Variants in MEGF6 observed in about 807,000 individuals in gnomAD.
MEGF6 encodes multiple epidermal growth factor-like domains protein 6.
A neutral mutation model predicts 207.1 loss-of-function variants in MEGF6; 184 were observed. That is an observed-to-expected ratio of 0.89 (90% CI 0.79 to 1.00). The LOEUF (loss-of-function observed/expected upper bound fraction) is 1.00. Among genes scored for constraint, MEGF6 ranks in the 50% least tolerant of loss-of-function variants. MEGF6 has a pLI of 0.00. For synonymous variants in MEGF6, 1,038 were observed against 910.0 expected, an observed-to-expected ratio of 1.14 and a Z score of -2.53; for missense variants, 2,282 against 2,202.9, an observed-to-expected ratio of 1.04 and a Z score of -0.72.
intron 4 of MEGF6, among the ~76,000 whole-genome samples, chr1:3,555,988 G>C (rs1364636897): frequency 1.3e-5 from 2 of 152,248 alleles, no homozygotes; most frequent in Non-Finnish European, 2.9e-5. Flanking sequence ...TCTCAAGTCT[G>C]CCCGCCCACC....
chr1:3,541,278 G>A (rs951789925), intron 4 of MEGF6, among the ~76,000 whole-genome samples: 1 of 152,198 alleles, frequency 6.6e-6, no homozygotes, highest in Non-Finnish European at 1.5e-5. Flanking sequence ...GTCGCACAGG[G>A]CTTGCGGAGG....
At chr1:3,493,412 G>A in intron 34 of MEGF6, 1 of 340,970 alleles carries the variant, frequency 2.9e-6, no homozygotes, top group Non-Finnish European at 5.4e-6. Flanking sequence ...CTATCCTCAG[G>A]TGGGGCCCTC....
At chr1:3,508,043 G>T (rs1399042256) in intron 13 of MEGF6, 120 bp from the exon 14 acceptor site, 3 of 1,113,686 alleles carry the variant, frequency 2.7e-6, no homozygotes, top group African/African-American at 1.6e-5. Flanking sequence ...GATGGCACTT[G>T]TACCACATCA....
At chr1:3,590,834 T>C (rs1264639743) in intron 3 of MEGF6, among the ~76,000 whole-genome samples, 1 of 152,132 alleles carries the variant, frequency 6.6e-6, no homozygotes, top group African/African-American at 2.4e-5. Context: ...CAGGGCCCTC[T>C]AAAGAGTGAG....
At chr1:3,514,293 A>T (rs538178322) in intron 7 of MEGF6, among the ~76,000 whole-genome samples, 2 of 151,898 alleles carry the variant, frequency 1.3e-5, no homozygotes, top group East Asian at 3.9e-4. Flanking sequence ...ACTATAAGCA[A>T]CACCTGGGCT....
At chr1:3,500,573 G>A in intron 21 of MEGF6, 60 bp downstream of exon 21, 2 of 1,507,588 alleles carry the variant, frequency 1.3e-6, no homozygotes, top group Non-Finnish European at 1.8e-6. Context: ...GTGCACGTGT[G>A]CATATGTGTG....
chr1:3,587,433 G>C (rs1020897811), intron 3 of MEGF6, among the ~76,000 whole-genome samples: 14 of 152,126 alleles, frequency 9.2e-5, no homozygotes, highest in African/African-American at 3.4e-4. Context: ...TTTTTCTCCC[G>C]GTGTTCAATG....
At chr1:3,591,149 C>T (rs1405721630) in intron 3 of MEGF6, among the ~76,000 whole-genome samples, 1 of 152,216 alleles carries the variant, frequency 6.6e-6, no homozygotes, top group Admixed American at 6.5e-5. Context: ...AGCAGCCGCG[C>T]CCCGCCCTCC....
At chr1:3,613,325 A>C (rs563186697), upstream of MEGF6, among the ~76,000 whole-genome samples, 43 of 152,056 alleles carry the variant, frequency 2.8e-4, no homozygotes, top group Non-Finnish European at 5.0e-4. Flanking sequence ...CCAGTGCCCC[A>C]CTTCTGCGCT....
At chr1:3,525,755 G>C (rs1641937242) in intron 4 of MEGF6, among the ~76,000 whole-genome samples, 1 of 152,222 alleles carries the variant, frequency 6.6e-6, no homozygotes, top group African/African-American at 2.4e-5. Context: ...GGAGACCCAG[G>C]GGGCTGCACC....
intron 4 of MEGF6, among the ~76,000 whole-genome samples, chr1:3,555,498 G>A (rs1476064892): frequency 2.0e-5 from 3 of 152,252 alleles, no homozygotes; most frequent in African/African-American, 4.8e-5. Flanking sequence ...TGAGGGCGCC[G>A]TGTTTAATGT....
chr1:3,578,893 C>CCCCAGCGGAATGTGGAGTG (rs1557791023), intron 4 of MEGF6, among the ~76,000 whole-genome samples: 5 of 59,360 alleles, frequency 8.4e-5, no homozygotes, highest in Non-Finnish European at 5.5e-5. Flanking sequence ...CTCCTCAGCC[C>CCCCAGCGGAATGTGGAGTG]GGCCCCCAGC....
rs199597724 is a variant in MEGF6 at position 3,611,282 on chromosome 1, G to A, written c.-14C>T. 3.6e-5 allele frequency: 52 copies of A among 1,447,356 alleles called. No homozygotes were observed. The African/African-American group carries it at 6.3e-4, about 18-fold the overall frequency. The allele number at this position is 1,447,356 out of a possible 1,614,324, so 89.7% of individuals were successfully genotyped here. A position where few individuals can be genotyped will look rare whatever the true frequency, so the allele number is the denominator to read the frequency against. On this transcript the variant is annotated 5_prime_UTR_variant, in exon 1 of 37. Coordinates refer to ENST00000356575, the MANE Select transcript of MEGF6 (RefSeq NM_001409.4). ...AAGGAACGACATCGTGCGCGCCGGT[G>A]CCTCCTCCGCTCTCCGGCTCACAGG...
In MEGF6 at chr1:3,538,926, G is replaced by A. The variant is rs149547269; in HGVS notation, c.482-14680C>T. ...GGGACATCAGAGCTGCCAGGGGAGC[G>A]GAGAATGCAGACAGGCAAGAGGATG... is the stretch of plus-strand genomic sequence containing the variant. On this transcript the variant is annotated intron_variant, in intron 4 of 36. Coordinates refer to ENST00000356575, the MANE Select transcript of MEGF6 (RefSeq NM_001409.4). Among the ~76,000 whole-genome samples, 1,293 of 152,272 alleles carry A rather than the reference G, an allele frequency of 8.5e-3. 6 individuals carry two copies. The highest frequency in any genetic ancestry group is 0.013 in the Non-Finnish European group (872 of 68,018).
intron 4 of MEGF6, among the ~76,000 whole-genome samples, chr1:3,525,668 C>A (rs538110231): frequency 1.9e-4 from 29 of 152,250 alleles, no homozygotes; most frequent in Non-Finnish European, 3.8e-4. Flanking sequence ...AGAGGCCCAG[C>A]AGGACCCCCG....
In MEGF6 at chr1:3,498,370, C is replaced by T. The variant is rs199620875; in HGVS notation, c.3352+1G>A. On this transcript the variant is annotated splice_donor_variant, in intron 26 of 36. Coordinates refer to ENST00000356575, the MANE Select transcript of MEGF6 (RefSeq NM_001409.4). LOFTEE classifies it high-confidence loss of function. ...CCCCCCTGCTGCCCCGCCCCACTCA[C>T]GGCTCTGACACTTGTCCCCAGTCCA... 71 of 1,600,646 alleles carry T rather than the reference C, an allele frequency of 4.4e-5. No individual in the cohort carries two copies. In the Middle Eastern group the frequency reaches 5.2e-4, roughly 12 times the overall value.
chr1:3,602,780 G>A (rs1389647274), intron 1 of MEGF6, among the ~76,000 whole-genome samples, 180 bp from the exon 2 acceptor site: 1 of 152,180 alleles, frequency 6.6e-6, no homozygotes, highest in Non-Finnish European at 1.5e-5. Flanking sequence ...CCAGGCTTGA[G>A]GGCACAGGAG....
At chr1:3,493,557 G>C (rs764477978) in intron 34 of MEGF6, 2 of 653,348 alleles carry the variant, frequency 3.1e-6, no homozygotes, top group Non-Finnish European at 5.1e-6. Context: ...ACACGGCAGG[G>C]CCTGGCCTAA....
intron 4 of MEGF6, among the ~76,000 whole-genome samples, chr1:3,530,521 A>G (rs912392113): frequency 1.3e-5 from 2 of 152,194 alleles, no homozygotes; most frequent in Non-Finnish European, 2.9e-5. Context: ...AGGCGGGCCT[A>G]GTGCAGGCGC....
Sources: gnomAD v4.1 joint callset for allele counts (sites outside exome capture counted in the v4.1 genomes callset) on GRCh38, gnomAD v4.1.1 for gene constraint, MANE v1.5 for transcripts, NCBI Gene and HGNC (gene_info 2026-07-23, HGNC 2026-07-21) for gene names.